The following GABBR2 variants were observed in gnomAD, a reference collection of about 807,000 sequenced individuals.
GABBR2 encodes the protein G-protein coupled receptor 51.
Under a neutral mutation model 105.6 loss-of-function variants are expected in GABBR2, and 23 were observed. The observed-to-expected ratio is 0.22, with a 90% confidence interval of 0.16 to 0.31. The LOEUF (loss-of-function observed/expected upper bound fraction) is 0.31. Among genes scored for constraint, GABBR2 ranks in the 10% least tolerant of loss-of-function variants. The pLI, the probability that GABBR2 is intolerant of heterozygous loss-of-function variation, is 1.00. For synonymous variants in GABBR2, 478 were observed against 499.7 expected (o/e 0.96, Z 0.58); for missense variants, 734 against 1,245.5 (o/e 0.59, Z 6.18).
At chr9:98,313,930 G>A (rs1830675642) in intron 13 of GABBR2, among the ~76,000 whole-genome samples, 1 of 152,186 alleles carries the variant, frequency 6.6e-6, no homozygotes, top group Non-Finnish European at 1.5e-5. Flanking sequence ...AGCAGGAGGA[G>A]CTAGGAGGGG....
At position 98,422,244 on chromosome 9, in the gene GABBR2, T is replaced by C. The variant is rs375644592; in HGVS notation, c.1237-16103A>G. On this transcript the variant is annotated intron_variant, in intron 7 of 18. Transcript: ENST00000259455. The stretch of plus-strand genomic sequence containing the variant: ...AATATCATTAGAAATTAGAGAAAAT[T>C]AAAGTGATGTTGCTTTACATCTAAT... Among the ~76,000 whole-genome samples the C allele has an allele frequency of 3.9e-5, 6 of 152,168 alleles. No homozygotes were observed. The East Asian group carries it at 1.2e-3, about 29-fold the overall frequency.
chr9:98,629,205 A>T (rs1231948789), intron 1 of GABBR2, among the ~76,000 whole-genome samples: 1 of 152,210 alleles, frequency 6.6e-6, no homozygotes, highest in Admixed American at 6.5e-5. Context: ...GTATTTTTGG[A>T]TATGCTCAAA....
intron 1 of GABBR2, among the ~76,000 whole-genome samples, chr9:98,580,526 G>A (rs993507820): frequency 6.6e-6 from 1 of 152,168 alleles, no homozygotes; most frequent in Non-Finnish European, 1.5e-5. Context: ...GAAGGCTCAC[G>A]CCCGTAATCC....
At chr9:98,350,604 T>C (rs112100655) in intron 13 of GABBR2, among the ~76,000 whole-genome samples, 31 of 132,876 alleles carry the variant, frequency 2.3e-4, no homozygotes, top group African/African-American at 7.7e-4. Context: ...TGAGAGATGA[T>C]TGATATGATT....
intron 7 of GABBR2, among the ~76,000 whole-genome samples, chr9:98,424,303 A>C (rs1170595771): frequency 6.6e-6 from 1 of 152,152 alleles, no homozygotes; most frequent in Non-Finnish European, 1.5e-5. Context: ...AAAAACTCTC[A>C]ATAAATTAGG....
At chr9:98,707,869 G>A (rs1226557824) in intron 1 of GABBR2, among the ~76,000 whole-genome samples, 1 of 152,236 alleles carries the variant, frequency 6.6e-6, no homozygotes, top group Non-Finnish European at 1.5e-5. Context: ...CGGGCTCAGA[G>A]CTGCTGGCGC....
rs570733034 is a variant in GABBR2, at chr9:98,687,733, C to T, written c.321+20684G>A. On this transcript the variant is annotated intron_variant, in intron 1 of 18. Coordinates refer to ENST00000259455, the MANE Select transcript of GABBR2 (RefSeq NM_005458.8). The stretch of plus-strand genomic sequence containing the variant: ...GGCACCATTCCACAGGTCCTTGGCA[C>T]CACCCACACACAATGTAGAAAGCTT... 3.3e-5 allele frequency among the ~76,000 whole-genome samples: 5 copies of T among 152,274 alleles called. No homozygotes were observed. In the South Asian group the frequency reaches 1.0e-3, roughly 32 times the overall value.
intron 8 of GABBR2, among the ~76,000 whole-genome samples, chr9:98,402,864 G>A (rs559892949): frequency 6.6e-6 from 1 of 152,212 alleles, no homozygotes; most frequent in South Asian, 2.1e-4. Flanking sequence ...GGTAGATAAG[G>A]CACCTCTGAA....
Position 98,388,519 on chromosome 9 carries a change from T to A in GABBR2, c.1529+335A>T, listed in dbSNP as rs769633244. On this transcript the variant is annotated intron_variant, in intron 10 of 18. Transcript: ENST00000259455. The surrounding 1 kb of genome is among the most constrained non-coding windows in gnomAD (Gnocchi z 4.4). ...GACCTCCACAAAGTACAGGAGTATA[T>A]CCAAAGCTCTGAGAAGGCCCGTGGA... 8.5e-5 allele frequency among the ~76,000 whole-genome samples: 13 copies of A among 152,104 alleles called. No homozygotes were observed. Among genetic ancestry groups the A allele is most frequent in the Non-Finnish European group, 1.6e-4 (11 of 68,026 alleles).
intron 15 of GABBR2, among the ~76,000 whole-genome samples, 197 bp downstream of exon 15, chr9:98,305,924 G>C (rs1054088949): frequency 6.6e-6 from 1 of 152,134 alleles, no homozygotes; most frequent in Non-Finnish European, 1.5e-5. Flanking sequence ...TGATTTTTGG[G>C]TGGTGGGACT....
At chr9:98,291,470 C>T (rs535410674) in intron 18 of GABBR2, among the ~76,000 whole-genome samples, 1 of 152,320 alleles carries the variant, frequency 6.6e-6, no homozygotes, top group African/African-American at 2.4e-5. Context: ...TCCATCCTTC[C>T]TCTCTCCCGT....
rs1161819616 is a variant in GABBR2, at chr9:98,454,210, T to C, written c.1007A>G (p.Gln336Arg). The C allele has an allele frequency of 6.2e-7, 1 of 1,610,494 alleles. No homozygotes were observed. Among genetic ancestry groups the C allele is most frequent in the South Asian group, 1.1e-5 (1 of 91,006 alleles). ...QIKTISGKTP[Q>R]QYEREYNNKR... ...GTTGTTGTACTCTCTCTCATACTGC[T>C]GTGGAGTCTGGAAAAACAGGGGATT... is the stretch of plus-strand genomic sequence containing the variant. Residue 336 changes from glutamine to arginine, a missense_variant, in exon 7 of 19, where the codon CAG (glutamine) becomes CGG (arginine). Transcript: ENST00000259455. This position sits in a 1 kb window ranked among gnomAD's most constrained non-coding sequence, Gnocchi z 4.6.
At chr9:98,381,657 A>C (rs950777165) in intron 11 of GABBR2, among the ~76,000 whole-genome samples, 3 of 152,188 alleles carry the variant, frequency 2.0e-5, no homozygotes, top group Non-Finnish European at 4.4e-5. Context: ...ACAGTCATGC[A>C]TGTGGACTCC....
At chr9:98,668,150 G>A (rs558223656) in intron 1 of GABBR2, among the ~76,000 whole-genome samples, 7 of 152,244 alleles carry the variant, frequency 4.6e-5, no homozygotes, top group South Asian at 2.1e-4. Flanking sequence ...CCTACCGTCC[G>A]TCCTCTTTTG....
At position 98,361,184 on chromosome 9, in the gene GABBR2, T is replaced by G. The variant is rs986765523; in HGVS notation, c.1893+1531A>C. On this transcript the variant is annotated intron_variant, in intron 13 of 18. Coordinates refer to ENST00000259455, the MANE Select transcript of GABBR2 (RefSeq NM_005458.8). Reference sequence around the variant, plus strand: ...CTGCCCAGGTGTTGAAAGGCAGGGTTAGGCAGTAGGTGAGAGGGTAGTTAG... The same window carrying G: ...CTGCCCAGGTGTTGAAAGGCAGGGTGAGGCAGTAGGTGAGAGGGTAGTTAG... Among the ~76,000 whole-genome samples the G allele has an allele frequency of 6.6e-5, 10 of 152,168 alleles. 1 individual carries two copies. Among genetic ancestry groups the G allele is most frequent in the Admixed American group, 6.5e-4 (10 of 15,268 alleles).
chr9:98,628,016 T>C (rs1440017747), intron 1 of GABBR2, among the ~76,000 whole-genome samples: 1 of 152,188 alleles, frequency 6.6e-6, no homozygotes, highest in East Asian at 1.9e-4. Context: ...GCTAAATGGC[T>C]TTTAATCAGA....
At chr9:98,351,223 C>G (rs1831394469) in intron 13 of GABBR2, among the ~76,000 whole-genome samples, 1 of 152,042 alleles carries the variant, frequency 6.6e-6, no homozygotes, top group Non-Finnish European at 1.5e-5. Context: ...GGTATTTAAA[C>G]CATTTACATT....
At chr9:98,702,975 C>T (rs1830849773) in intron 1 of GABBR2, among the ~76,000 whole-genome samples, 1 of 152,366 alleles carries the variant, frequency 6.6e-6, no homozygotes, top group Admixed American at 6.5e-5. Context: ...CCTCACCTCC[C>T]TCTCTCATCA....
chr9:98,436,372 T>C lies in GABBR2; in HGVS notation c.1236+17609A>G, dbSNP rs1376937707. 1.1e-3 allele frequency among the ~76,000 whole-genome samples: 33 copies of C among 29,880 alleles called. 4 individuals are homozygous for C. The highest frequency in any genetic ancestry group is 3.5e-3 in the South Asian group (2 of 576). The allele number at this position is 29,880 out of a possible 152,430, so 19.6% of individuals were successfully genotyped here. ...CCATATATATATATATATATATATA[T>C]ATATATATATATATATATATATATA... On this transcript the variant is annotated intron_variant, in intron 7 of 18. Transcript: ENST00000259455.
Sources: allele counts gnomAD v4.1 joint callset (sites outside exome capture counted in the v4.1 genomes callset), GRCh38; gene constraint gnomAD v4.1.1; non-coding constraint Gnocchi (gnomAD v3.1); transcripts MANE v1.5; gene names NCBI Gene and HGNC (gene_info 2026-07-23, HGNC 2026-07-21).